The following GALNT13 variants were observed in gnomAD, a reference collection of about 807,000 sequenced individuals.
The protein encoded by GALNT13 is UDP-GalNAc:polypeptide N-acetylgalactosaminyltransferase 13.
Under a neutral mutation model 64.2 loss-of-function variants are expected in GALNT13, and 28 were observed. The ratio of observed to expected loss-of-function variants is 0.44; its 90% CI spans 0.32 to 0.60. The LOEUF (loss-of-function observed/expected upper bound fraction) is 0.60. GALNT13 is among the 20% of genes least tolerant of loss of function. The pLI is 0.05. For synonymous variants in GALNT13, 214 were observed against 224.6 expected, an observed-to-expected ratio of 0.95 and a Z score of 0.42; for missense variants, 577 against 669.8, an observed-to-expected ratio of 0.86 and a Z score of 1.53.
chr2:153,719,699 C>T, the GALNT13 span, among the ~76,000 whole-genome samples: 157 of 152,102 alleles, frequency 1.0e-3, no homozygotes, highest in African/African-American at 3.6e-3. Context: ...AAAGGGGTGA[C>T]GGACGCACCT....
chr2:154,226,120 G>A (rs937400310), intron 4 of GALNT13, among the ~76,000 whole-genome samples: 3 of 152,090 alleles, frequency 2.0e-5, no homozygotes, highest in African/African-American at 7.2e-5. Context: ...CCTTGGGGGA[G>A]AATGAATGAA....
At chr2:153,992,831 T>A (rs944943306) in intron 3 of GALNT13, among the ~76,000 whole-genome samples, 1 of 152,208 alleles carries the variant, frequency 6.6e-6, no homozygotes, top group African/African-American at 2.4e-5. Flanking sequence ...CTGCTCTAAG[T>A]GCTGCCTCAT....
chr2:153,981,613 A>C (rs2105159872), intron 3 of GALNT13, among the ~76,000 whole-genome samples: 1 of 152,182 alleles, frequency 6.6e-6, no homozygotes, highest in Admixed American at 6.5e-5. Flanking sequence ...AATCCAGTCT[A>C]TCATTGATGG....
the GALNT13 span, among the ~76,000 whole-genome samples, chr2:153,480,201 AACTCT>A: frequency 6.6e-6 from 1 of 152,210 alleles, no homozygotes; most frequent in Admixed American, 6.5e-5. Flanking sequence ...TGCCATTTTC[AACTCT>A]ACTCTTAATT....
intron 1 of GALNT13, among the ~76,000 whole-genome samples, chr2:153,897,898 C>T (rs1201427501): frequency 6.6e-6 from 1 of 151,952 alleles, no homozygotes; most frequent in Non-Finnish European, 1.5e-5. Flanking sequence ...ATATTCCCAT[C>T]ATTTTATAAA....
chr2:153,769,369 G>A, the GALNT13 span, among the ~76,000 whole-genome samples: 5 of 152,064 alleles, frequency 3.3e-5, no homozygotes, highest in Admixed American at 3.3e-4. Flanking sequence ...AAAGCTGTTG[G>A]CTAGCTTCCC....
intron 4 of GALNT13, among the ~76,000 whole-genome samples, chr2:154,178,281 TG>T (rs1389498044): frequency 1.3e-5 from 2 of 152,088 alleles, no homozygotes; most frequent in Non-Finnish European, 2.9e-5. Flanking sequence ...TTGGTAGATT[TG>T]GCAGATATTT....
At chr2:153,366,705 A>G in the GALNT13 span, among the ~76,000 whole-genome samples, 5,376 of 147,782 alleles carry the variant, frequency 0.036, 155 homozygotes, top group Admixed American at 0.093. Context: ...AACAGGGTCA[A>G]TACCAGCACA....
the GALNT13 span, among the ~76,000 whole-genome samples, chr2:153,427,547 C>T: frequency 3.3e-5 from 5 of 152,126 alleles, no homozygotes; most frequent in East Asian, 9.6e-4. Context: ...TTGAGTTAGA[C>T]ATTAGCCTTG....
the GALNT13 span, among the ~76,000 whole-genome samples, chr2:153,662,887 A>G: frequency 1.3e-5 from 2 of 152,160 alleles, no homozygotes; most frequent in Non-Finnish European, 1.5e-5. Context: ...CTAGTTTTCC[A>G]CCATTTTGTC....
the GALNT13 span, among the ~76,000 whole-genome samples, chr2:153,181,026 G>GTTTTTTTTT: frequency 2.8e-4 from 7 of 24,772 alleles, no homozygotes; most frequent in Non-Finnish European, 2.4e-4. Flanking sequence ...GGTTTTTATT[G>GTTTTTTTTT]TTTCTTTTTT....
chr2:153,609,726 A>T, the GALNT13 span, among the ~76,000 whole-genome samples: 1 of 152,256 alleles, frequency 6.6e-6, no homozygotes, highest in South Asian at 2.1e-4. Context: ...ACCTTATTTG[A>T]TCTCAAATAA....
the GALNT13 span, among the ~76,000 whole-genome samples, chr2:153,299,030 A>C: frequency 6.6e-6 from 1 of 152,232 alleles, no homozygotes; most frequent in African/African-American, 2.4e-5. Flanking sequence ...AACGTAAGAC[A>C]TCTTTGAAGA....
chr2:154,166,902 T>C (rs1685058014), intron 4 of GALNT13, among the ~76,000 whole-genome samples: 1 of 151,572 alleles, frequency 6.6e-6, no homozygotes, highest in Non-Finnish European at 1.5e-5. Flanking sequence ...CCGCATGTTC[T>C]CACTCATAGG....
chr2:154,148,902 C>A (rs1683792548), intron 4 of GALNT13, among the ~76,000 whole-genome samples: 2 of 152,076 alleles, frequency 1.3e-5, no homozygotes, highest in South Asian at 4.1e-4. Context: ...ATGGTAGTTT[C>A]TTTTGCTGTG....
At chr2:154,133,580 A>ATATG (rs1558977238) in intron 3 of GALNT13, among the ~76,000 whole-genome samples, 9 of 123,574 alleles carry the variant, frequency 7.3e-5, no homozygotes, top group Non-Finnish European at 1.5e-4. Context: ...ATATATATAT[A>ATATG]TATATCTGAG....
the GALNT13 span, among the ~76,000 whole-genome samples, chr2:153,409,823 C>A: frequency 1.3e-5 from 2 of 152,000 alleles, no homozygotes; most frequent in Non-Finnish European, 2.9e-5. Context: ...ATGGAAAAAG[C>A]AAATAATAAA....
At chr2:153,826,606 A>T in the GALNT13 span, among the ~76,000 whole-genome samples, 120,022 of 152,158 alleles carry the variant, frequency 0.79, 48,301 homozygotes, top group Middle Eastern at 0.86. Context: ...AAACCCAAAG[A>T]AAGACAGAAA....
chr2:154,284,550 C>CAT (rs1553508670), intron 8 of GALNT13, among the ~76,000 whole-genome samples: 64 of 150,872 alleles, frequency 4.2e-4, no homozygotes, highest in East Asian at 9.7e-4. Flanking sequence ...CACACACACA[C>CAT]ATATATATGT....
Sources: gnomAD v4.1 joint callset for allele counts (sites outside exome capture counted in the v4.1 genomes callset) on GRCh38, gnomAD v4.1.1 for gene constraint, MANE v1.5 for transcripts, NCBI Gene and HGNC (gene_info 2026-07-23, HGNC 2026-07-21) for gene names.